Variants in CTNND2 observed in about 807,000 individuals in gnomAD.
CTNND2 encodes catenin delta-2.
In CTNND2, 22 loss-of-function variants were observed where a neutral mutation model predicts 144.4. The ratio of observed to expected loss-of-function variants is 0.15; its 90% confidence interval spans 0.11 to 0.22. CTNND2 has a LOEUF of 0.22. Ranked by LOEUF, CTNND2 falls within the 10% of genes least tolerant of loss-of-function variation. The pLI is 1.00. For missense variants in CTNND2, 1,353 were observed against 1,618.8 expected (o/e 0.84, Z 2.82); for synonymous variants, 751 against 695.6 (o/e 1.08, Z -1.25).
At chr5:11,847,654 A>G (rs2126997151) in intron 1 of CTNND2, among the ~76,000 whole-genome samples, 1 of 152,276 alleles carries the variant, frequency 6.6e-6, no homozygotes, top group East Asian at 1.9e-4. Flanking sequence ...AAGAAGTGAT[A>G]AATGTAAAAG....
At position 11,395,260 on chromosome 5, in the gene CTNND2, A is replaced by T. The variant is rs530923454; in HGVS notation, c.612+1771T>A. On this transcript the variant is annotated intron_variant, in intron 6 of 21. Coordinates refer to ENST00000304623, the MANE Select transcript of CTNND2 (RefSeq NM_001332.4). ...TCACAGGCGCTACAGAATATTCAATAAGCATCCCTTTCATACTTCAGCACA... is the reference window on the plus strand; with the variant it reads ...TCACAGGCGCTACAGAATATTCAATTAGCATCCCTTTCATACTTCAGCACA... 2.6e-5 allele frequency among the ~76,000 whole-genome samples: 4 copies of T among 152,338 alleles called. No homozygotes were observed. The South Asian group carries it at 8.3e-4, about 32-fold the overall frequency.
chr5:11,453,144 G>A (rs61760269), intron 3 of CTNND2, among the ~76,000 whole-genome samples: 1 of 152,156 alleles, frequency 6.6e-6, no homozygotes, highest in Non-Finnish European at 1.5e-5. Context: ...AACCAAGTCT[G>A]AGGGACTTCA....
intron 3 of CTNND2, among the ~76,000 whole-genome samples, chr5:11,489,733 A>G (rs924020246): frequency 2.0e-5 from 3 of 152,214 alleles, no homozygotes; most frequent in Non-Finnish European, 4.4e-5. Context: ...ATACTTGCTC[A>G]CTGAGGTGTC....
At chr5:11,098,503 T>C (rs992873806) in intron 15 of CTNND2, 72 bp downstream of exon 15, 22 of 1,352,502 alleles carry the variant, frequency 1.6e-5, no homozygotes, top group Non-Finnish European at 1.8e-5. Context: ...TTCTCAAAAC[T>C]GGACTTATAT....
chr5:11,487,589 T>A (rs1196209014), intron 3 of CTNND2, among the ~76,000 whole-genome samples: 1 of 152,268 alleles, frequency 6.6e-6, no homozygotes, highest in African/African-American at 2.4e-5. Flanking sequence ...GAGTGCACAG[T>A]TACATTTCCA....
At chr5:11,473,761 A>G (rs766638103) in intron 3 of CTNND2, among the ~76,000 whole-genome samples, 21 of 152,262 alleles carry the variant, frequency 1.4e-4, no homozygotes, top group Non-Finnish European at 2.9e-5. Context: ...TTAGCAAGGC[A>G]CCACTGGAGA....
chr5:11,367,516 T>C (rs985342759), intron 7 of CTNND2, among the ~76,000 whole-genome samples: 1 of 152,204 alleles, frequency 6.6e-6, no homozygotes, highest in Non-Finnish European at 1.5e-5. Flanking sequence ...GTCCTTTTGT[T>C]TAGTAGTAAT....
intron 12 of CTNND2, among the ~76,000 whole-genome samples, chr5:11,139,342 G>T (rs1012751278): frequency 2.0e-5 from 3 of 152,188 alleles, no homozygotes; most frequent in African/African-American, 7.2e-5. Flanking sequence ...CCAGCATACT[G>T]CGTGTTAGAG....
At chr5:10,990,889 C>T (rs753843946) in intron 19 of CTNND2, among the ~76,000 whole-genome samples, 22 of 152,176 alleles carry the variant, frequency 1.4e-4, no homozygotes, top group Non-Finnish European at 1.5e-5. Context: ...CAGCCCTTGC[C>T]GATCCATCAT....
intron 9 of CTNND2, among the ~76,000 whole-genome samples, chr5:11,342,317 T>C (rs188621500): frequency 6.6e-6 from 1 of 152,336 alleles, no homozygotes; most frequent in Admixed American, 6.5e-5. Flanking sequence ...AAAGTGCATA[T>C]TGTCATACTC....
At chr5:11,896,964 T>C (rs1001228904) in intron 1 of CTNND2, among the ~76,000 whole-genome samples, 4 of 152,192 alleles carry the variant, frequency 2.6e-5, no homozygotes, top group African/African-American at 9.6e-5. Flanking sequence ...AATAATCTGA[T>C]CCAGATGCTA....
chr5:11,631,725 A>G (rs1561638789), intron 2 of CTNND2, among the ~76,000 whole-genome samples: 1 of 152,130 alleles, frequency 6.6e-6, no homozygotes, highest in Non-Finnish European at 1.5e-5. Context: ...GGCCCTATGT[A>G]TGGTGGAAGA....
chr5:11,332,207 G>A (rs570234570), intron 9 of CTNND2, among the ~76,000 whole-genome samples: 35 of 151,532 alleles, frequency 2.3e-4, no homozygotes, highest in Admixed American at 3.9e-4. Flanking sequence ...CCTGGGAGGC[G>A]GAGGTTTCGG....
chr5:11,509,540 T>C (rs1298453252), intron 3 of CTNND2, among the ~76,000 whole-genome samples: 2 of 152,090 alleles, frequency 1.3e-5, no homozygotes, highest in African/African-American at 2.4e-5. Context: ...TAAGAGAAGC[T>C]TGAAAGCAGG....
chr5:11,895,107 C>G (rs1191415352), intron 1 of CTNND2, among the ~76,000 whole-genome samples: 1 of 152,064 alleles, frequency 6.6e-6, no homozygotes, highest in South Asian at 2.1e-4. Flanking sequence ...CGAACTTGAA[C>G]TTGAGAAATG....
intron 16 of CTNND2, among the ~76,000 whole-genome samples, chr5:11,072,980 C>T (rs1247673980): frequency 2.0e-5 from 3 of 152,226 alleles, no homozygotes; most frequent in Non-Finnish European, 4.4e-5. Context: ...CAGCCTGGAG[C>T]CTTCCTTTTA....
chr5:11,769,015 A>G (rs1316230093), intron 1 of CTNND2, among the ~76,000 whole-genome samples: 2 of 152,214 alleles, frequency 1.3e-5, no homozygotes, highest in Non-Finnish European at 2.9e-5. Context: ...ACTATAAATA[A>G]GAGGCAACTC....
At chr5:11,396,998 G>C (rs1461334304) in intron 6 of CTNND2, 33 bp downstream of exon 6, 3 of 1,574,860 alleles carry the variant, frequency 1.9e-6, no homozygotes, top group Admixed American at 3.5e-5. Context: ...TCCCCTTGGA[G>C]TCCACTGACA....
intron 3 of CTNND2, among the ~76,000 whole-genome samples, chr5:11,434,176 T>A (rs1043415309): frequency 6.6e-6 from 1 of 152,180 alleles, no homozygotes; most frequent in South Asian, 2.1e-4. Flanking sequence ...TGCAGCAGCA[T>A]GGAGGAATCC....
Sources: allele counts gnomAD v4.1 joint callset (sites outside exome capture counted in the v4.1 genomes callset), GRCh38; gene constraint gnomAD v4.1.1; transcripts MANE v1.5; gene names NCBI Gene and HGNC (gene_info 2026-07-23, HGNC 2026-07-21).